The following DICER1 variants were observed in gnomAD, a reference collection of about 807,000 sequenced individuals.
DICER1 encodes dicer 1, ribonuclease III.
In DICER1, 43 loss-of-function variants were observed where a neutral mutation model predicts 194.1. The observed-to-expected ratio is 0.22, with a 90% confidence interval of 0.17 to 0.29. DICER1 has a LOEUF of 0.29. Ranked by LOEUF, DICER1 falls within the 10% of genes least tolerant of loss-of-function variation. The pLI, the probability that DICER1 is intolerant of heterozygous loss-of-function variation, is 1.00. For missense variants in DICER1, 1,608 were observed against 2,317.0 expected (o/e 0.69, Z 6.28); for synonymous variants, 832 against 820.5 (o/e 1.01, Z -0.24).
At chr14:95,134,118 CTT>C (rs2140301016) in intron 1 of DICER1, among the ~76,000 whole-genome samples, 1 of 152,296 alleles carries the variant, frequency 6.6e-6, no homozygotes, top group South Asian at 2.1e-4. Context: ...AAAATTGTCA[CTT>C]TATCAACAGC....
chr14:95,132,810 C>G, intron 2 of DICER1, 133 bp from the exon 3 acceptor site: 1 of 832,436 alleles, frequency 1.2e-6, no homozygotes, highest in Non-Finnish European at 1.9e-6. Flanking sequence ...AAAAAAAACC[C>G]CACAGTCTAC....
In DICER1 at chr14:95,089,571, A is replaced by T. The variant is rs1253019517; in HGVS notation, c.*927T>A. 4.3e-6 allele frequency: 1 copy of T among 231,954 alleles called. No homozygotes were observed. The highest frequency in any genetic ancestry group is 2.2e-5 in the African/African-American group (1 of 45,280). The allele number at this position is 231,954 out of a possible 1,614,324, so 14.4% of individuals were successfully genotyped here. On this transcript the variant is annotated 3_prime_UTR_variant, in exon 27 of 27. Transcript: ENST00000343455. Reference sequence around the variant, plus strand: ...TCAGTGGGAACTACCTGGCAGGAGGACTTTAGTAAAATGGGGTGTTTAGCC... The same window carrying T: ...TCAGTGGGAACTACCTGGCAGGAGGTCTTTAGTAAAATGGGGTGTTTAGCC...
chr14:95,149,352 C>T (rs948820504), intron 1 of DICER1, among the ~76,000 whole-genome samples: 1 of 152,124 alleles, frequency 6.6e-6, no homozygotes, highest in African/African-American at 2.4e-5. Context: ...CGCACTACAT[C>T]ATCATAGCTT....
intron 1 of DICER1, among the ~76,000 whole-genome samples, chr14:95,153,090 A>C (rs917260519): frequency 1.3e-5 from 2 of 151,992 alleles, no homozygotes; most frequent in Non-Finnish European, 2.9e-5. Context: ...GGTGGCGGGC[A>C]CCTGTAGTCC....
At position 95,087,965 on chromosome 14, in the gene DICER1, G is replaced by A. The variant is rs1286835262; in HGVS notation, c.*2533C>T. Reference sequence around the variant, plus strand: ...TGACAGATGCAAAACATTTCAACAAGCTAAACACAGGAAAACTTTACAGCA... The same window carrying A: ...TGACAGATGCAAAACATTTCAACAAACTAAACACAGGAAAACTTTACAGCA... On this transcript the variant is annotated 3_prime_UTR_variant, in exon 27 of 27. Coordinates refer to ENST00000343455, the MANE Select transcript of DICER1 (RefSeq NM_177438.3). The A allele has an allele frequency of 4.3e-6, 1 of 232,694 alleles. No homozygotes were observed. The highest frequency in any genetic ancestry group is 2.2e-5 in the African/African-American group (1 of 45,258). 14.4% of individuals were successfully genotyped at this position (232,694 alleles called of 1,614,324 possible).
chr14:95,131,759 T>G, intron 3 of DICER1, 120 bp from the exon 4 acceptor site: 1 of 978,814 alleles, frequency 1.0e-6, no homozygotes, highest in Non-Finnish European at 1.6e-6. Flanking sequence ...TAACCAACAA[T>G]GTTTTTGATA....
Position 95,124,519 on chromosome 14 carries a change from G to C in DICER1, c.1053C>G (p.Phe351Leu), listed in dbSNP as rs1358609309. The stretch of plus-strand genomic sequence containing the variant: ...CACATAGTGCATGTATTTTCCTTAG[G>C]AAAGTGTCTGTAAACAATAAAAATT... ...HRKFLLFTDT[F>L]LRKIHALCEE... The change falls in exon 8 of 27, where the codon TTC (phenylalanine) becomes TTG (leucine). Residue 351 changes from phenylalanine (F) to leucine (L), a missense_variant. Phe to Leu is a conservative substitution (Grantham distance 22, BLOSUM62 0). Transcript: ENST00000343455. The surrounding 1 kb of genome is among the most constrained non-coding windows in gnomAD (Gnocchi z 4.5). 1 of 1,613,884 alleles carries C rather than the reference G, an allele frequency of 6.2e-7. No homozygotes were observed. Among genetic ancestry groups the C allele is most frequent in the Non-Finnish European group, 8.5e-7 (1 of 1,180,032 alleles).
rs762026649 is a variant in DICER1, at chr14:95,115,868, G to A, written c.1753-47C>T. On this transcript the variant is annotated intron_variant, in intron 10 of 26. Transcript: ENST00000343455. ...CTTATGATGAAAACACATCCTCTCTGCTGTATGCTGTCTGCCTCTGTACCT... is the reference window on the plus strand; with the variant it reads ...CTTATGATGAAAACACATCCTCTCTACTGTATGCTGTCTGCCTCTGTACCT... The A allele has an allele frequency of 2.5e-6, 4 of 1,584,400 alleles. No homozygotes were observed. In the South Asian group the frequency reaches 4.4e-5, roughly 18 times the overall value.
At position 95,106,081 on chromosome 14, in the gene DICER1, G is replaced by C. The variant is rs1267003109; in HGVS notation, c.2947C>G (p.Leu983Val). The C allele has an allele frequency of 1.9e-6, 3 of 1,614,212 alleles. No homozygotes were observed. In the South Asian group the frequency reaches 3.3e-5, roughly 18 times the overall value. ...KTKYNLDLTN[L>V]NQPLLDVDHT... ...TCCACATCCAGCAGTGGCTGGTTGAGATTGGTTAGGTCAAGGTTGTACTTT... is the reference window on the plus strand; with the variant it reads ...TCCACATCCAGCAGTGGCTGGTTGACATTGGTTAGGTCAAGGTTGTACTTT... The change falls in exon 18 of 27, where the codon CTC (leucine) becomes GTC (valine). Residue 983 changes from leucine to valine, a missense_variant. This residue lies in a region of DICER1 where 79 missense variants were observed against 176.1 expected (regional missense o/e 0.45). Transcript: ENST00000343455.
chr14:95,106,190 A>G lies in DICER1; in HGVS notation c.2838T>C (p.Tyr946=), dbSNP rs1185406502. The G allele has an allele frequency of 6.2e-7, 1 of 1,614,060 alleles. No individual in the cohort carries two copies. The highest frequency in any genetic ancestry group is 8.5e-7 in the Non-Finnish European group (1 of 1,179,986). The stretch of plus-strand genomic sequence containing the variant: ...TAAGATCAGTGTACACATCAGCTAC[A>G]TAAAATCGATGAGGCTGATCAAAAT... ...YRNFDQPHRF[Y]VADVYTDLTP... Residue 946 remains tyrosine (Y), a synonymous_variant, in exon 18 of 27, where the codon TAT becomes TAC. Coordinates refer to ENST00000343455, the MANE Select transcript of DICER1 (RefSeq NM_177438.3).
chr14:95,124,001 C>A lies in DICER1; in HGVS notation c.1376+195G>T, dbSNP rs1893161750. Among the ~76,000 whole-genome samples the A allele has an allele frequency of 1.3e-5, 2 of 152,070 alleles. No homozygotes were observed. Among genetic ancestry groups the A allele is most frequent in the African/African-American group, 2.4e-5 (1 of 41,388 alleles). On this transcript the variant is annotated intron_variant, in intron 8 of 26. Coordinates refer to ENST00000343455, the MANE Select transcript of DICER1 (RefSeq NM_177438.3). The surrounding 1 kb of genome is among the most constrained non-coding windows in gnomAD (Gnocchi z 4.5). Reference sequence around the variant, plus strand: ...CATCCTTTAAGAAAAAAATATCAGCCATATGAAAAGCAGCCTTCTGGAAAA... The same window carrying A: ...CATCCTTTAAGAAAAAAATATCAGCAATATGAAAAGCAGCCTTCTGGAAAA...
intron 1 of DICER1, 109 bp downstream of exon 1, chr14:95,157,121 G>A (rs1306592021): frequency 6.7e-6 from 1 of 150,174 alleles, no homozygotes; most frequent in Non-Finnish European, 1.5e-5. Context: ...CCGGACGCGC[G>A]GCTCGGGGCC....
intron 1 of DICER1, among the ~76,000 whole-genome samples, chr14:95,138,285 A>G (rs1357720788): frequency 6.6e-6 from 1 of 151,940 alleles, no homozygotes; most frequent in Non-Finnish European, 1.5e-5. Flanking sequence ...GAAAAAAATG[A>G]TAGGTAGCTG....
intron 1 of DICER1, among the ~76,000 whole-genome samples, chr14:95,156,914 G>A (rs1043141307): frequency 6.6e-6 from 1 of 152,158 alleles, no homozygotes; most frequent in African/African-American, 2.4e-5. Flanking sequence ...GCCTCGCCAG[G>A]CCGGGGAGTG....
chr14:95,151,923 G>C (rs960536822), intron 1 of DICER1, among the ~76,000 whole-genome samples: 1 of 152,124 alleles, frequency 6.6e-6, no homozygotes, highest in Non-Finnish European at 1.5e-5. Context: ...CCTTCAAACA[G>C]GGTCATTTAA....
rs1482087963 is a variant in DICER1, at chr14:95,091,282, A to C, written c.5448T>G (p.Ala1816=). ...KAMGDIFESL[A]GAIYMDSGMS... ...TCCCACTATCCATGTAAATGGCACC[A>C]GCAAGCGACTCAAAAATATCCCCCA... The change falls in exon 25 of 27, where the codon GCT becomes GCG. Residue 1816 remains alanine (A), a synonymous_variant. Coordinates refer to ENST00000343455, the MANE Select transcript of DICER1 (RefSeq NM_177438.3). The C allele has an allele frequency of 1.2e-6, 2 of 1,614,034 alleles. No individual in the cohort carries two copies. The highest frequency in any genetic ancestry group is 2.7e-5 in the African/African-American group (2 of 74,914).
Position 95,086,324 on chromosome 14 carries a change from A to T in DICER1, c.*4174T>A, listed in dbSNP as rs1429011580. On this transcript the variant is annotated 3_prime_UTR_variant, in exon 27 of 27. Transcript: ENST00000343455. ...GTGATCCATAAGGTGCAGACTGCAA[A>T]TTTCTGCAGCATGATTACTGTATGA... is the stretch of plus-strand genomic sequence containing the variant. 4.3e-6 allele frequency: 1 copy of T among 232,852 alleles called. No homozygotes were observed. The highest frequency in any genetic ancestry group is 5.6e-5 in the Admixed American group (1 of 17,780). The allele number at this position is 232,852 out of a possible 1,614,324, so 14.4% of individuals were successfully genotyped here. A position where few individuals can be genotyped will look rare whatever the true frequency, so the allele number is the denominator to read the frequency against.
chr14:95,113,008 T>C (rs1399003215), intron 12 of DICER1, 84 bp downstream of exon 12: 2 of 1,412,654 alleles, frequency 1.4e-6, no homozygotes, highest in Non-Finnish European at 2.0e-6. Context: ...AATTTACCTA[T>C]AACTTGCAAG....
rs559268963 is a variant in DICER1, at chr14:95,124,131, G to GCATCA, written c.1376+60_1376+64dup. 816 of 1,172,822 alleles carry GCATCA rather than the reference G, an allele frequency of 7.0e-4. No homozygotes were observed. The highest frequency in any genetic ancestry group is 9.1e-4 in the Non-Finnish European group (716 of 789,800). The allele number at this position is 1,172,822 out of a possible 1,614,324, so 72.7% of individuals were successfully genotyped here. A position where few individuals can be genotyped will look rare whatever the true frequency, so the allele number is the denominator to read the frequency against. ...TGCTAGCTCTTACAGCTGCTGCAGC[G>GCATCA]CATCACATCACAACACAGGACGCCT... is the stretch of plus-strand genomic sequence containing the variant. On this transcript the variant is annotated intron_variant, in intron 8 of 26. Coordinates refer to ENST00000343455, the MANE Select transcript of DICER1 (RefSeq NM_177438.3). This position sits in a 1 kb window ranked among gnomAD's most constrained non-coding sequence, Gnocchi z 4.5.
Sources: gnomAD v4.1 joint callset for allele counts (sites outside exome capture counted in the v4.1 genomes callset) on GRCh38, gnomAD v4.1.1 for gene constraint, gnomAD v4.1.1 regional missense constraint, Gnocchi (gnomAD v3.1) non-coding constraint, MANE v1.5 for transcripts, NCBI Gene and HGNC (gene_info 2026-07-23, HGNC 2026-07-21) for gene names.